OCM: variants seen among roughly 807,000 people sequenced by gnomAD.
The protein encoded by OCM is oncomodulin-1.
OCM carries 18 observed loss-of-function variants against 14.1 expected under a neutral mutation model. The observed-to-expected ratio is 1.28, with a 90% CI of 0.88 to 1.89. The LOEUF is 1.89. OCM is among the 40% of genes most tolerant of loss of function. The pLI is 0.00. For synonymous variants in OCM, 48 were observed against 51.0 expected, an observed-to-expected ratio of 0.94 and a Z score of 0.25; for missense variants, 140 against 137.6, an observed-to-expected ratio of 1.02 and a Z score of -0.09.
the OCM span, among the ~76,000 whole-genome samples, chr7:5,862,628 G>T: frequency 6.6e-6 from 1 of 152,170 alleles, no homozygotes; most frequent in Admixed American, 6.6e-5. Flanking sequence ...GTAAAATGCA[G>T]ATTTACTGAG....
At chr7:5,878,743 A>C (rs968560356), upstream of OCM, among the ~76,000 whole-genome samples, 2 of 151,110 alleles carry the variant, frequency 1.3e-5, no homozygotes, top group Non-Finnish European at 2.9e-5. Flanking sequence ...TTGAGACTCC[A>C]TCTCAAAAAA....
intron 3 of OCM, 135 bp downstream of exon 3, chr7:5,884,134 G>A: frequency 8.9e-7 from 1 of 1,124,466 alleles, no homozygotes; most frequent in East Asian, 2.6e-5. Context: ...CTTCTCATCT[G>A]TAAAATGGGA....
At chr7:5,881,810 A>C (rs1389663353) in intron 1 of OCM, among the ~76,000 whole-genome samples, 2 of 151,886 alleles carry the variant, frequency 1.3e-5, no homozygotes, top group Non-Finnish European at 2.9e-5. Flanking sequence ...CTGAAAGGCC[A>C]GGTGTCGTGC....
At chr7:5,869,004 A>G in the OCM span, among the ~76,000 whole-genome samples, 33,651 of 152,068 alleles carry the variant, frequency 0.22, 4,988 homozygotes, top group African/African-American at 0.43. Context: ...CAGAGGTTGC[A>G]GTGAGCTGAG....
chr7:5,880,901 G>A lies in OCM; in HGVS notation c.12G>A (p.Thr4=), dbSNP rs373831481. ...TGAGTAGGTAGAAAATGAGCATCAC[G>A]GACGTGCTCAGTGCTGACGACATTG... MSI[T]DVLSADDIAA... is the part of the protein sequence containing the mutation. The change falls in exon 1 of 4, where the codon ACG becomes ACA. Residue 4 remains threonine (T), a synonymous_variant. Transcript: ENST00000242104. The A allele has an allele frequency of 1.5e-4, 247 of 1,613,884 alleles. No homozygotes were observed. The highest frequency in any genetic ancestry group is 2.1e-4 in the Non-Finnish European group (243 of 1,179,958).
chr7:5,874,394 A>G, the OCM span, among the ~76,000 whole-genome samples: 2 of 151,614 alleles, frequency 1.3e-5, no homozygotes, highest in Non-Finnish European at 2.9e-5. Context: ...TACATTACAT[A>G]AATATGCAAA....
chr7:5,867,002 G>T, the OCM span, among the ~76,000 whole-genome samples: 1 of 152,154 alleles, frequency 6.6e-6, no homozygotes, highest in Non-Finnish European at 1.5e-5. Flanking sequence ...TCATTAAGTA[G>T]ACTTGTAGAC....
the OCM span, among the ~76,000 whole-genome samples, chr7:5,871,386 G>T: frequency 2.0e-5 from 3 of 151,854 alleles, no homozygotes; most frequent in African/African-American, 7.3e-5. Context: ...AGAGGTAGGG[G>T]TCTCACTCTG....
intron 1 of OCM, 109 bp downstream of exon 1, chr7:5,881,059 C>T: frequency 9.1e-7 from 1 of 1,096,068 alleles, no homozygotes; most frequent in Non-Finnish European, 1.4e-6. Context: ...TGGCTCACAC[C>T]TGTAATCCCA....
At chr7:5,874,524 A>T in the OCM span, among the ~76,000 whole-genome samples, 11,284 of 151,756 alleles carry the variant, frequency 0.074, 557 homozygotes, top group Admixed American at 0.12. Flanking sequence ...TTCTTTGGAG[A>T]GACAGGGTCT....
chr7:5,881,036 C>A, intron 1 of OCM, 86 bp downstream of exon 1: 3 of 1,387,942 alleles, frequency 2.2e-6, no homozygotes, highest in Non-Finnish European at 3.1e-6. Flanking sequence ...GTAGGCCAGG[C>A]GGCCAGACGC....
At chr7:5,859,721 C>T in the OCM span, among the ~76,000 whole-genome samples, 1 of 151,688 alleles carries the variant, frequency 6.6e-6, no homozygotes, top group African/African-American at 2.4e-5. Context: ...GTCTTTGAGA[C>T]AGTTTCGTTC....
chr7:5,877,816 T>G (rs1175517013), upstream of OCM, among the ~76,000 whole-genome samples: 1 of 38,168 alleles, frequency 2.6e-5, no homozygotes, highest in African/African-American at 1.4e-4. Context: ...CAAGACTCCA[T>G]CTCAAAAAAA....
chr7:5,879,093 C>T (rs938809928), upstream of OCM, among the ~76,000 whole-genome samples: 3 of 151,960 alleles, frequency 2.0e-5, no homozygotes, highest in South Asian at 2.1e-4. Flanking sequence ...ACCAGCTACT[C>T]GGGAGACTGA....
upstream of OCM, among the ~76,000 whole-genome samples, chr7:5,875,065 T>A (rs1781067885): frequency 6.6e-6 from 1 of 150,800 alleles, no homozygotes; most frequent in African/African-American, 2.4e-5. Flanking sequence ...TGTATTTTTT[T>A]TTTTTTTGAG....
rs1357261198 is a variant in OCM, at chr7:5,881,272, C to T, written c.61+322C>T. Among the ~76,000 whole-genome samples the T allele has an allele frequency of 9.4e-5, 14 of 149,028 alleles. No individual in the cohort carries two copies. The East Asian group carries it at 2.8e-3, about 29-fold the overall frequency. On this transcript the variant is annotated intron_variant, in intron 1 of 3. Coordinates refer to ENST00000242104, the MANE Select transcript of OCM (RefSeq NM_001097622.2). Reference sequence around the variant, plus strand: ...GGCAGAAGTTGCAGTGAGCTGAGATCATGCCACTGCACTCCAGCCTGGGCA... The same window carrying T: ...GGCAGAAGTTGCAGTGAGCTGAGATTATGCCACTGCACTCCAGCCTGGGCA...
At chr7:5,866,896 C>T in the OCM span, among the ~76,000 whole-genome samples, 4 of 152,110 alleles carry the variant, frequency 2.6e-5, no homozygotes, top group Non-Finnish European at 4.4e-5. Flanking sequence ...CTATAACCGC[C>T]GTCCTGTGTC....
At chr7:5,869,404 C>T in the OCM span, among the ~76,000 whole-genome samples, 1 of 152,116 alleles carries the variant, frequency 6.6e-6, no homozygotes, top group South Asian at 2.1e-4. Context: ...TCGAGACCAG[C>T]CTGACCAACA....
chr7:5,871,141 A>T, the OCM span, among the ~76,000 whole-genome samples: 4 of 151,530 alleles, frequency 2.6e-5, no homozygotes, highest in South Asian at 8.3e-4. Flanking sequence ...GAGCCCAGGC[A>T]TTTGAGACCA....
Sources: gnomAD v4.1 joint callset for allele counts (sites outside exome capture counted in the v4.1 genomes callset) on GRCh38, gnomAD v4.1.1 for gene constraint, MANE v1.5 for transcripts, NCBI Gene and HGNC (gene_info 2026-07-23, HGNC 2026-07-21) for gene names.